HORMAD2: variants seen among roughly 807,000 people sequenced by gnomAD.
HORMAD2 encodes the protein HORMA domain containing 2.
Under a neutral mutation model 38.8 loss-of-function variants are expected in HORMAD2, and 45 were observed. The ratio of observed to expected loss-of-function variants is 1.16; its 90% confidence interval spans 0.91 to 1.49. The LOEUF (loss-of-function observed/expected upper bound fraction) is 1.49, where lower values mean the gene tolerates loss of function less well. HORMAD2 is among the 40% of genes most tolerant of loss of function. The pLI is 0.00. For synonymous variants in HORMAD2, 126 were observed against 122.8 expected (o/e 1.03, Z -0.17); for missense variants, 338 against 367.0 (o/e 0.92, Z 0.65).
At chr22:30,143,638 T>C (rs1252367269) in intron 10 of HORMAD2, among the ~76,000 whole-genome samples, 2 of 152,210 alleles carry the variant, frequency 1.3e-5, no homozygotes, top group Non-Finnish European at 2.9e-5. Context: ...TTTACTATGA[T>C]ATGTCTATTT....
intron 10 of HORMAD2, among the ~76,000 whole-genome samples, chr22:30,147,352 G>A (rs958148038): frequency 1.3e-5 from 2 of 151,898 alleles, no homozygotes; most frequent in African/African-American, 4.8e-5. Context: ...TTTTTATAAA[G>A]GTATCAAGGT....
intron 1 of HORMAD2, among the ~76,000 whole-genome samples, chr22:30,091,824 T>C (rs1355004491): frequency 3.3e-5 from 5 of 152,186 alleles, no homozygotes; most frequent in Non-Finnish European, 7.4e-5. Flanking sequence ...AAGAATTTTC[T>C]TTTCTTTGCA....
At position 30,113,068 on chromosome 22, in the gene HORMAD2, C is replaced by T. The variant is rs28506842; in HGVS notation, c.342+546C>T. On this transcript the variant is annotated intron_variant, in intron 7 of 10. Coordinates refer to ENST00000336726, the MANE Select transcript of HORMAD2 (RefSeq NM_152510.4). ...ATTTCTTCCCTCTGTTTAGGGAATC[C>T]GACTCATCTTCAAGGCCAACTATGT... Among the ~76,000 whole-genome samples the T allele has an allele frequency of 3.4e-4, 51 of 151,904 alleles. No homozygotes were observed. The East Asian group carries it at 4.1e-3, about 12-fold the overall frequency.
rs1365583500 is a variant in HORMAD2 at position 30,111,746 on chromosome 22, T to C, written c.295-50T>C. 6 of 1,384,338 alleles carry C rather than the reference T, an allele frequency of 4.3e-6. No homozygotes were observed. In the East Asian group the frequency reaches 1.3e-4, roughly 29 times the overall value. The allele number at this position is 1,384,338 out of a possible 1,614,324, so 85.8% of individuals were successfully genotyped here. On this transcript the variant is annotated intron_variant, in intron 5 of 10. Transcript: ENST00000336726. ...ATTAGTCTATTGAAAAGAATGATAA[T>C]ATAGGTGCAAGTATGTAATAATAAT...
At chr22:30,150,941 T>C (rs966902914) in intron 10 of HORMAD2, among the ~76,000 whole-genome samples, 1 of 152,236 alleles carries the variant, frequency 6.6e-6, no homozygotes, top group African/African-American at 2.4e-5. Flanking sequence ...AACAACTGTT[T>C]GGCCCTGCAA....
rs182376975 is a variant in HORMAD2 at position 30,099,091 on chromosome 22, C to T, written c.193+98C>T. ...GTCTCACAAAGTGTGCTAATTCCAA[C>T]TTAAGGGCCTGTTCTTCAAGACCAA... is the stretch of plus-strand genomic sequence containing the variant. On this transcript the variant is annotated intron_variant, in intron 3 of 10. Transcript: ENST00000336726. 1.7e-5 allele frequency: 17 copies of T among 1,021,068 alleles called. No homozygotes were observed. The East Asian group carries it at 4.6e-4, about 28-fold the overall frequency. The allele number at this position is 1,021,068 out of a possible 1,614,324, so 63.3% of individuals were successfully genotyped here.
intron 10 of HORMAD2, among the ~76,000 whole-genome samples, chr22:30,135,650 T>C (rs952318303): frequency 2.6e-5 from 4 of 152,110 alleles, no homozygotes; most frequent in Non-Finnish European, 4.4e-5. Flanking sequence ...GGATGGGAGA[T>C]GTTCACATAA....
the HORMAD2 span, chr22:30,207,123 A>T: frequency 2.1e-6 from 1 of 470,244 alleles, no homozygotes; most frequent in Non-Finnish European, 4.4e-6. Flanking sequence ...AGGAGGCGGG[A>T]ATGCAGAGAA....
At chr22:30,118,883 A>T in intron 7 of HORMAD2, 97 bp from the exon 8 acceptor site, 1 of 754,698 alleles carries the variant, frequency 1.3e-6, no homozygotes, top group South Asian at 1.6e-5. Flanking sequence ...GAAGTACAGT[A>T]GATATACAGT....
intron 5 of HORMAD2, among the ~76,000 whole-genome samples, chr22:30,108,473 A>C (rs1921374116): frequency 6.6e-6 from 1 of 152,156 alleles, no homozygotes; most frequent in Non-Finnish European, 1.5e-5. Flanking sequence ...TCTTGCCTGG[A>C]AACTTCTCTC....
At chr22:30,205,507 C>G in the HORMAD2 span, among the ~76,000 whole-genome samples, 1 of 152,178 alleles carries the variant, frequency 6.6e-6, no homozygotes, top group Admixed American at 6.5e-5. Context: ...ATATCCTCCT[C>G]TCATTCCCGG....
At chr22:30,182,980 C>T in the HORMAD2 span, among the ~76,000 whole-genome samples, 1 of 152,174 alleles carries the variant, frequency 6.6e-6, no homozygotes, top group South Asian at 2.1e-4. Context: ...TAAACGCTTT[C>T]TCATATGTCT....
chr22:30,093,886 G>T, intron 1 of HORMAD2, 30 bp from the exon 2 acceptor site: 1 of 1,109,042 alleles, frequency 9.0e-7, no homozygotes, highest in Non-Finnish European at 1.3e-6. Context: ...ATTTGGCAAG[G>T]TCTCTAATTA....
chr22:30,190,821 G>A, the HORMAD2 span, among the ~76,000 whole-genome samples: 1 of 152,192 alleles, frequency 6.6e-6, no homozygotes, highest in Admixed American at 6.5e-5. Context: ...AGCACTGAAT[G>A]GAAATAACTA....
At chr22:30,131,430 C>G (rs931937852) in intron 10 of HORMAD2, among the ~76,000 whole-genome samples, 1 of 152,132 alleles carries the variant, frequency 6.6e-6, no homozygotes, top group Non-Finnish European at 1.5e-5. Context: ...AATACAGTTG[C>G]TAGACACTCT....
chr22:30,138,091 C>G lies in HORMAD2; in HGVS notation c.819+15877C>G, dbSNP rs142663191. ...CTTGGTATTGTCTCACTTTTTGATT[C>G]TAGCCATCCTAGTGGGTGCAAAGTA... On this transcript the variant is annotated intron_variant, in intron 10 of 10. Transcript: ENST00000336726. Among the ~76,000 whole-genome samples the G allele has an allele frequency of 7.9e-5, 12 of 152,208 alleles. No homozygotes were observed. The East Asian group carries it at 2.3e-3, about 29-fold the overall frequency.
intron 10 of HORMAD2, among the ~76,000 whole-genome samples, chr22:30,173,527 C>T (rs1470095692): frequency 6.6e-6 from 1 of 152,140 alleles, no homozygotes; most frequent in Non-Finnish European, 1.5e-5. Context: ...AACTTGGACA[C>T]CTTGGGTGAG....
intron 10 of HORMAD2, among the ~76,000 whole-genome samples, chr22:30,132,548 A>AC (rs1288968558): frequency 5.9e-5 from 9 of 152,060 alleles, no homozygotes; most frequent in East Asian, 5.8e-4. Context: ...TCAAAAAAAA[A>AC]AAAACAAAAC....
the HORMAD2 span, among the ~76,000 whole-genome samples, chr22:30,198,748 A>G: frequency 6.6e-6 from 1 of 152,164 alleles, no homozygotes; most frequent in Non-Finnish European, 1.5e-5. Flanking sequence ...CTGTGACTAT[A>G]CCATGGCAAA....
Sources: gnomAD v4.1 joint callset for allele counts (sites outside exome capture counted in the v4.1 genomes callset) on GRCh38, gnomAD v4.1.1 for gene constraint, MANE v1.5 for transcripts, NCBI Gene and HGNC (gene_info 2026-07-23, HGNC 2026-07-21) for gene names.